DAB1: variants seen among roughly 807,000 people sequenced by gnomAD.
DAB1 encodes the protein DAB adaptor protein 1, also known as disabled homolog 1.
Under a neutral mutation model 64.6 loss-of-function variants are expected in DAB1, and 15 were observed. The ratio of observed to expected loss-of-function variants is 0.23; its 90% confidence interval spans 0.16 to 0.36. DAB1 has a LOEUF of 0.36. DAB1 is among the 10% of genes least tolerant of loss of function. The pLI is 1.00. For missense variants in DAB1, 596 were observed against 706.7 expected (o/e 0.84, Z 1.78); for synonymous variants, 235 against 251.9 (o/e 0.93, Z 0.64).
intron 6 of DAB1, among the ~76,000 whole-genome samples, chr1:57,727,756 C>CCTTCCTTCCTTCCTTCCTTCCTTCCTTG (rs1472307919): frequency 6.6e-6 from 1 of 151,390 alleles, no homozygotes; most frequent in Admixed American, 6.6e-5. Flanking sequence ...TTCCTTCCTT[C>CCTTCCTTCCTTCCTTCCTTCCTTCCTTG]CTCTCTTCCT....
rs138815112 is a variant in DAB1 at position 57,563,624 on chromosome 1, G to A, written n.625+85968C>T. The stretch of plus-strand genomic sequence containing the variant: ...TGCTTTTCCAACGGTCTTAGCAAAC[G>A]GCACACCAAGAGATTATATCCTGCA... On this transcript the variant is annotated intron_variant and non_coding_transcript_variant, in intron 7 of 20. Coordinates refer to the DAB1 transcript ENST00000485760. Among the ~76,000 whole-genome samples the A allele has an allele frequency of 7.1e-3, 1,088 of 152,234 alleles. 13 individuals are homozygous for A. Among genetic ancestry groups the A allele is most frequent in the South Asian group, 8.7e-3 (42 of 4,816 alleles).
intron 3 of DAB1, among the ~76,000 whole-genome samples, chr1:57,138,846 C>T (rs1009783228): frequency 7.2e-5 from 11 of 152,128 alleles, no homozygotes; most frequent in African/African-American, 1.9e-4. Flanking sequence ...TCTGACATTT[C>T]GCAAATTCAT....
chr1:58,423,836 T>C (rs1428011748), intron 3 of DAB1, among the ~76,000 whole-genome samples: 1 of 152,242 alleles, frequency 6.6e-6, no homozygotes, highest in East Asian at 1.9e-4. Flanking sequence ...GCATGGCTTT[T>C]TGGCTTGTTT....
intron 1 of DAB1, among the ~76,000 whole-genome samples, chr1:57,292,485 T>G (rs1040466989): frequency 2.0e-5 from 3 of 151,968 alleles, no homozygotes; most frequent in African/African-American, 7.2e-5. Context: ...ACACAGAAAA[T>G]GAGAATTTAT....
intron 7 of DAB1, among the ~76,000 whole-genome samples, chr1:57,438,306 C>T (rs944093754): frequency 6.6e-6 from 1 of 151,948 alleles, no homozygotes; most frequent in African/African-American, 2.4e-5. Context: ...AAATGCAAGG[C>T]GTTCATACTG....
At chr1:58,092,485 A>G (rs180928945) in intron 5 of DAB1, among the ~76,000 whole-genome samples, 9 of 152,286 alleles carry the variant, frequency 5.9e-5, no homozygotes, top group Non-Finnish European at 8.8e-5. Context: ...ACTGGAGGCT[A>G]AAAAGGTGAG....
intron 5 of DAB1, among the ~76,000 whole-genome samples, chr1:57,900,938 G>T (rs976482623): frequency 6.6e-6 from 1 of 152,130 alleles, no homozygotes; most frequent in Non-Finnish European, 1.5e-5. Context: ...AACACAGCAG[G>T]TGCTTCATAA....
chr1:58,053,593 C>T lies in DAB1; in HGVS notation n.387+96918G>A, dbSNP rs866429951. ...TCCAACACTGGGTATCAAATTTCAA[C>T]ATGAAGTTTGGAGGGGACAAATATC... On this transcript the variant is annotated intron_variant and non_coding_transcript_variant, in intron 5 of 20. Coordinates refer to the DAB1 transcript ENST00000485760. 7.9e-5 allele frequency among the ~76,000 whole-genome samples: 12 copies of T among 152,156 alleles called. No individual in the cohort carries two copies. In the South Asian group the frequency reaches 2.1e-3, roughly 26 times the overall value.
intron 6 of DAB1, among the ~76,000 whole-genome samples, chr1:57,661,891 G>A (rs568929957): frequency 5.3e-5 from 8 of 152,284 alleles, no homozygotes; most frequent in South Asian, 2.1e-4. Context: ...GGCTGATGCA[G>A]TGGGCTTCTG....
At chr1:57,993,342 C>T (rs1646376659) in intron 5 of DAB1, among the ~76,000 whole-genome samples, 1 of 152,010 alleles carries the variant, frequency 6.6e-6, no homozygotes, top group South Asian at 2.1e-4. Context: ...GGGGAGGAAC[C>T]CACCGGAGTC....
chr1:57,310,591 A>G (rs972704096), intron 1 of DAB1, among the ~76,000 whole-genome samples: 1 of 151,494 alleles, frequency 6.6e-6, no homozygotes, highest in Admixed American at 6.6e-5. Context: ...TTCTCCAATC[A>G]CTCCCCAAGC....
intron 2 of DAB1, among the ~76,000 whole-genome samples, chr1:57,285,852 C>A (rs1223043288): frequency 2.0e-5 from 3 of 152,182 alleles, no homozygotes; most frequent in Non-Finnish European, 4.4e-5. Context: ...CGTTCCTCTA[C>A]CATGATCTTC....
At chr1:57,781,823 A>G (rs553698844) in intron 6 of DAB1, among the ~76,000 whole-genome samples, 28 of 152,196 alleles carry the variant, frequency 1.8e-4, no homozygotes, top group African/African-American at 6.7e-4. Flanking sequence ...AGACAGTAAA[A>G]CTGATTTGGA....
intron 9 of DAB1, among the ~76,000 whole-genome samples, chr1:57,045,633 G>T (rs1010965097): frequency 3.3e-5 from 5 of 152,102 alleles, no homozygotes; most frequent in Admixed American, 2.6e-4. Flanking sequence ...GGGAAGCGGA[G>T]GTTGCAGTGA....
intron 3 of DAB1, among the ~76,000 whole-genome samples, chr1:58,409,022 G>T (rs1464116449): frequency 1.3e-5 from 2 of 152,188 alleles, no homozygotes; most frequent in Non-Finnish European, 2.9e-5. Flanking sequence ...TCACACAGAG[G>T]TGATCACGTG....
At chr1:57,346,102 G>C (rs1048731067) in intron 1 of DAB1, among the ~76,000 whole-genome samples, 2 of 152,212 alleles carry the variant, frequency 1.3e-5, no homozygotes, top group Admixed American at 1.3e-4. Context: ...AAGCTATTCA[G>C]TGGCAGCTGC....
intron 6 of DAB1, among the ~76,000 whole-genome samples, chr1:57,733,517 C>T (rs1001864235): frequency 6.6e-6 from 1 of 152,002 alleles, no homozygotes; most frequent in African/African-American, 2.4e-5. Context: ...CTCATCTAAA[C>T]CTTCCAAGGA....
chr1:57,333,709 C>T (rs574583395), intron 1 of DAB1, among the ~76,000 whole-genome samples: 2 of 152,352 alleles, frequency 1.3e-5, no homozygotes, highest in South Asian at 4.1e-4. Flanking sequence ...TTAGTATCTA[C>T]TGCATAGAGT....
chr1:57,945,815 C>T (rs1448910456), intron 5 of DAB1, among the ~76,000 whole-genome samples: 1 of 152,154 alleles, frequency 6.6e-6, no homozygotes, highest in African/African-American at 2.4e-5. Context: ...TTATTCTGAA[C>T]CATGATTTCC....
Sources: gnomAD v4.1 joint callset for allele counts (sites outside exome capture counted in the v4.1 genomes callset) on GRCh38, gnomAD v4.1.1 for gene constraint, MANE v1.5 for transcripts, NCBI Gene and HGNC (gene_info 2026-07-23, HGNC 2026-07-21) for gene names.